COL21A1: variants seen among roughly 807,000 people sequenced by gnomAD.
COL21A1 encodes collagen alpha-1(XXI) chain.
A neutral mutation model predicts 137.9 loss-of-function variants in COL21A1; 149 were observed. The ratio of observed to expected loss-of-function variants is 1.08; its 90% CI spans 0.95 to 1.24. The LOEUF is 1.24. COL21A1 is among the 50% of genes most tolerant of loss of function. COL21A1 has a pLI of 0.00. For synonymous variants in COL21A1, 456 were observed against 391.5 expected (o/e 1.16, Z -1.95); for missense variants, 1,167 against 1,158.4 (o/e 1.01, Z -0.11).
At chr6:56,297,108 G>A (rs1764180007) in intron 1 of COL21A1, among the ~76,000 whole-genome samples, 1 of 151,902 alleles carries the variant, frequency 6.6e-6, no homozygotes, top group South Asian at 2.1e-4. Flanking sequence ...ACAATACTGA[G>A]CCCAAACATT....
At chr6:56,219,663 A>T (rs1432619827) in intron 1 of COL21A1, among the ~76,000 whole-genome samples, 1 of 152,176 alleles carries the variant, frequency 6.6e-6, no homozygotes. Flanking sequence ...GCATATTATT[A>T]TATCCTGACG....
chr6:56,315,392 T>G (rs1418428698), intron 1 of COL21A1, among the ~76,000 whole-genome samples: 1 of 152,160 alleles, frequency 6.6e-6, no homozygotes, highest in Non-Finnish European at 1.5e-5. Flanking sequence ...CCGATAAGAT[T>G]ATCTCATTAT....
rs1244488816 is a variant in COL21A1, at chr6:56,260,708, GCA to G, written c.-38-78054_-38-78053del. ...GGAAGGAAGGCAGGCAGGCAGGCAGGCAGGCAGGAAGGGAGGCAGGCAGGAAG... is the reference window on the plus strand; with the variant it reads ...GGAAGGAAGGCAGGCAGGCAGGCAGGGGCAGGAAGGGAGGCAGGCAGGAAG... On this transcript the variant is annotated intron_variant, in intron 1 of 28. Coordinates refer to the COL21A1 transcript ENST00000370819. Among the ~76,000 whole-genome samples the G allele has an allele frequency of 1.3e-3, 201 of 150,094 alleles. 1 individual carries two copies. The highest frequency in any genetic ancestry group is 2.0e-3 in the Non-Finnish European group (136 of 67,200).
At chr6:56,231,348 T>C (rs771468476) in intron 1 of COL21A1, among the ~76,000 whole-genome samples, 1 of 151,904 alleles carries the variant, frequency 6.6e-6, no homozygotes, top group Non-Finnish European at 1.5e-5. Context: ...TTCAGTTCGG[T>C]AACAGCAACT....
At chr6:56,212,177 A>G (rs146616809) in intron 1 of COL21A1, among the ~76,000 whole-genome samples, 57 of 152,172 alleles carry the variant, frequency 3.7e-4, no homozygotes, top group African/African-American at 1.3e-3. Context: ...GAAATGCATT[A>G]TGGTTCTTGG....
chr6:56,158,257 T>TC (rs1449382541), intron 9 of COL21A1, among the ~76,000 whole-genome samples: 10 of 116,708 alleles, frequency 8.6e-5, no homozygotes, highest in Non-Finnish European at 1.4e-4. Context: ...TTTTTTCTTT[T>TC]TTTTTTTTCT....
intron 1 of COL21A1, chr6:56,276,636 T>C: frequency 7.0e-7 from 1 of 1,438,222 alleles, no homozygotes; most frequent in Non-Finnish European, 9.8e-7. Context: ...TCAAAATCAA[T>C]TTCTGGAAAA....
At chr6:56,206,693 AATAAATATATATATATATATATAT>A (rs59488480) in intron 1 of COL21A1, among the ~76,000 whole-genome samples, 81,086 of 127,950 alleles carry the variant, frequency 0.63, 24,226 homozygotes, top group East Asian at 0.76. Flanking sequence ...TAAATAAATA[AATAAATATATATATATATATATAT>A]ATATATATAT....
intron 1 of COL21A1, among the ~76,000 whole-genome samples, chr6:56,351,541 G>T (rs1262985677): frequency 6.6e-6 from 1 of 152,198 alleles, no homozygotes; most frequent in Non-Finnish European, 1.5e-5. Context: ...CTTTGGAGAG[G>T]GGAATCCTAA....
chr6:56,348,253 A>C (rs986320874), intron 1 of COL21A1, among the ~76,000 whole-genome samples: 7 of 152,214 alleles, frequency 4.6e-5, no homozygotes, highest in Admixed American at 1.3e-4. Flanking sequence ...ATATTGAAGT[A>C]GAGACATAAG....
rs189818132 is a variant in COL21A1 at position 56,241,873 on chromosome 6, A to G, written c.-39+5514T>C. 2.0e-5 allele frequency among the ~76,000 whole-genome samples: 3 copies of G among 152,330 alleles called. No individual in the cohort carries two copies. The East Asian group carries it at 5.8e-4, about 29-fold the overall frequency. ...ACATTGTTCAAGGTATTTACAAAAT[A>G]TTTTTCAATAATGAATTGAAGGGAG... On this transcript the variant is annotated intron_variant, in intron 1 of 29. Coordinates refer to ENST00000244728, the MANE Select transcript of COL21A1 (RefSeq NM_030820.4).
intron 1 of COL21A1, among the ~76,000 whole-genome samples, chr6:56,229,984 T>C (rs1269888897): frequency 6.6e-6 from 1 of 151,904 alleles, no homozygotes; most frequent in Non-Finnish European, 1.5e-5. Flanking sequence ...CAGTGGTCTA[T>C]GACCAACAGT....
At chr6:56,154,628 C>T (rs1437800392) in intron 10 of COL21A1, among the ~76,000 whole-genome samples, 1 of 152,188 alleles carries the variant, frequency 6.6e-6, no homozygotes, top group Non-Finnish European at 1.5e-5. Flanking sequence ...CATGAAACAA[C>T]CTCCTGCATA....
At chr6:56,204,316 G>C (rs9475624) in intron 1 of COL21A1, among the ~76,000 whole-genome samples, 3,306 of 152,158 alleles carry the variant, frequency 0.022, 122 homozygotes, top group African/African-American at 0.075. Context: ...GCTGAGACTT[G>C]AGTAGGTGGT....
chr6:56,322,532 G>A (rs927115529), intron 1 of COL21A1, among the ~76,000 whole-genome samples: 3 of 152,102 alleles, frequency 2.0e-5, no homozygotes, highest in Admixed American at 1.3e-4. Flanking sequence ...GCAAAAATGT[G>A]TTGATTGTAA....
At chr6:56,154,877 T>G (rs955064664) in intron 10 of COL21A1, among the ~76,000 whole-genome samples, 6 of 152,106 alleles carry the variant, frequency 3.9e-5, no homozygotes, top group African/African-American at 1.4e-4. Flanking sequence ...CCCTTCAGCC[T>G]CCCTACTTTT....
chr6:56,137,036 C>T (rs1774057534), intron 12 of COL21A1, among the ~76,000 whole-genome samples: 1 of 152,034 alleles, frequency 6.6e-6, no homozygotes, highest in Admixed American at 6.6e-5. Flanking sequence ...CTGGCCAAAG[C>T]AGAAAAATGC....
rs746174950 is a variant in COL21A1, at chr6:56,101,510, G to T, written c.1774C>A (p.Pro592Thr). The change falls in exon 17 of 30, where the codon CCT (proline) becomes ACT (threonine). Residue 592 changes from proline to threonine, a missense_variant. By Grantham distance (38) the Pro-to-Thr change is conservative. Coordinates refer to ENST00000244728, the MANE Select transcript of COL21A1 (RefSeq NM_030820.4). ...SPGFKGEAGS[P>T]GAPGQDGTRG... ...GTTCCATCCTGCCCCGGAGCACCAG[G>T]GGATCCTGCTTCTCCCTTTTAATGA... The T allele has an allele frequency of 5.5e-5, 87 of 1,592,426 alleles. 1 individual carries two copies. The South Asian group carries it at 7.9e-4, about 14-fold the overall frequency.
chr6:56,332,290 A>G (rs1350910877), intron 1 of COL21A1, among the ~76,000 whole-genome samples: 1 of 151,876 alleles, frequency 6.6e-6, no homozygotes, highest in Non-Finnish European at 1.5e-5. Context: ...CTATCTTTCC[A>G]TTTTTGTTTC....
Sources: gnomAD v4.1 joint callset for allele counts (sites outside exome capture counted in the v4.1 genomes callset) on GRCh38, gnomAD v4.1.1 for gene constraint, MANE v1.5 for transcripts, NCBI Gene and HGNC (gene_info 2026-07-23, HGNC 2026-07-21) for gene names.